Variants in CACNA1I observed in about 807,000 individuals in gnomAD.
The protein encoded by CACNA1I is calcium voltage-gated channel subunit alpha1 I.
CACNA1I carries 74 observed loss-of-function variants against 201.6 expected under a neutral mutation model. The ratio of observed to expected loss-of-function variants is 0.37; its 90% CI spans 0.30 to 0.45. The LOEUF (loss-of-function observed/expected upper bound fraction) is 0.45. CACNA1I is among the 20% of genes least tolerant of loss of function. CACNA1I has a pLI of 1.00. For missense variants in CACNA1I, 2,346 were observed against 3,138.1 expected (o/e 0.75, Z 6.03); for synonymous variants, 1,431 against 1,345.2 (o/e 1.06, Z -1.40).
At chr22:39,642,726 G>T in intron 6 of CACNA1I, 71 bp from the exon 7 acceptor site, 2 of 1,028,600 alleles carry the variant, frequency 1.9e-6, no homozygotes, top group Non-Finnish European at 1.5e-6. Context: ...GCCTCTGTCT[G>T]GGGCACTGCC....
At position 39,666,359 on chromosome 22, in the gene CACNA1I, C is replaced by T. The variant is rs185983542; in HGVS notation, c.4104+353C>T. 6.4e-3 allele frequency among the ~76,000 whole-genome samples: 974 copies of T among 152,218 alleles called. 6 individuals are homozygous for T. The highest frequency in any genetic ancestry group is 9.6e-3 in the Non-Finnish European group (656 of 68,002). On this transcript the variant is annotated intron_variant, in intron 23 of 36. Transcript: ENST00000402142. The surrounding 1 kb of genome is among the most constrained non-coding windows in gnomAD (Gnocchi z 4.1). ...CTGCCACCTTCTGTAGGTGTGGCCT[C>T]CCTGAGCCTCAGTTTCCTCATCTAT...
chr22:39,656,873 C>T (rs994350669), intron 10 of CACNA1I, among the ~76,000 whole-genome samples: 1 of 152,194 alleles, frequency 6.6e-6, no homozygotes, highest in African/African-American at 2.4e-5. Flanking sequence ...GTCTCAACGA[C>T]AGTGCTTCCT....
chr22:39,573,097 G>T (rs981652486), intron 1 of CACNA1I, among the ~76,000 whole-genome samples: 2 of 152,128 alleles, frequency 1.3e-5, no homozygotes, highest in Admixed American at 1.3e-4. Flanking sequence ...AACCTCAGGG[G>T]CTTGTGGCAT....
chr22:39,606,882 C>T (rs989953311), intron 3 of CACNA1I, among the ~76,000 whole-genome samples: 1 of 152,234 alleles, frequency 6.6e-6, no homozygotes, highest in Non-Finnish European at 1.5e-5. Flanking sequence ...TGCCTCTGTC[C>T]ATTAGGAGGT....
rs1269517292 is a variant in CACNA1I, at chr22:39,642,679, G to C, written c.1057-118G>C. ...TGTCCAGCCCCTGTGAGACAGACTC[G>C]AGGCAGCATGTGTGATGCGTTCTGG... On this transcript the variant is annotated intron_variant, in intron 6 of 36. Transcript: ENST00000402142. 5 of 675,896 alleles carry C rather than the reference G, an allele frequency of 7.4e-6. No homozygotes were observed. In the South Asian group the frequency reaches 8.5e-5, roughly 12 times the overall value. 41.9% of individuals were successfully genotyped at this position (675,896 alleles called of 1,614,324 possible). A position where few individuals can be genotyped will look rare whatever the true frequency, so the allele number is the denominator to read the frequency against.
Position 39,677,404 on chromosome 22 carries a change from C to A in CACNA1I, c.4918C>A (p.Leu1640Ile). Residue 1640 changes from leucine (L) to isoleucine (I), a missense_variant, in exon 30 of 37, where the codon CTC becomes ATC. By Grantham distance (5) the Leu-to-Ile change is conservative. Around this residue, in one of 13 missense-constraint regions of CACNA1I, gnomAD observed 50 missense variants for 43.6 expected, o/e 1.15. Transcript: ENST00000402142. This position sits in a 1 kb window ranked among gnomAD's most constrained non-coding sequence, Gnocchi z 4.8. Reference protein sequence around the residue: ...FFIYAALGVELFGKLVCNDEN... With the variant: ...FFIYAALGVEIFGKLVCNDEN... ...CATCTATGCTGCTCTCGGGGTGGAGCTCTTTGGGAAGCTGGGTGAGTGACT... is the reference window on the plus strand; with the variant it reads ...CATCTATGCTGCTCTCGGGGTGGAGATCTTTGGGAAGCTGGGTGAGTGACT... 1 of 1,585,030 alleles carries A rather than the reference C, an allele frequency of 6.3e-7. No homozygotes were observed. Among genetic ancestry groups the A allele is most frequent in the Non-Finnish European group, 8.6e-7 (1 of 1,167,634 alleles).
At position 39,681,067 on chromosome 22, in the gene CACNA1I, G is replaced by A. The variant is rs747048563; in HGVS notation, c.5664+15G>A. The A allele has an allele frequency of 1.2e-6, 2 of 1,604,960 alleles. No individual in the cohort carries two copies. Among genetic ancestry groups the A allele is most frequent in the South Asian group, 1.1e-5 (1 of 90,124 alleles). On this transcript the variant is annotated intron_variant, in intron 34 of 36. Transcript: ENST00000402142. ...AAGACAGCAAGGTCAGCTCCCCTGG[G>A]GACTCCTGAGCAGGCGGGTCTGTCC...
chr22:39,667,668 G>T (rs1935241168), intron 23 of CACNA1I, among the ~76,000 whole-genome samples: 1 of 152,110 alleles, frequency 6.6e-6, no homozygotes, highest in African/African-American at 2.4e-5. Context: ...CTCTGTGGGA[G>T]CCTTGGGTGG....
At chr22:39,626,007 G>T (rs559650235) in intron 4 of CACNA1I, among the ~76,000 whole-genome samples, 1 of 152,228 alleles carries the variant, frequency 6.6e-6, no homozygotes, top group Non-Finnish European at 1.5e-5. Flanking sequence ...AGGCTGTGGC[G>T]CAGGGGCGAG....
At chr22:39,650,268 A>G (rs1298349837) in intron 10 of CACNA1I, among the ~76,000 whole-genome samples, 2 of 151,430 alleles carry the variant, frequency 1.3e-5, no homozygotes, top group Non-Finnish European at 2.9e-5. Flanking sequence ...TCTGACTTCT[A>G]TTCACCTCTC....
chr22:39,684,873 T>C lies in CACNA1I; in HGVS notation c.6027+375T>C, dbSNP rs555415110. The C allele has an allele frequency of 2.1e-5, 8 of 380,732 alleles. No homozygotes were observed. The highest frequency in any genetic ancestry group is 4.2e-5 in the Admixed American group (1 of 24,054). 23.6% of individuals were successfully genotyped at this position (380,732 alleles called of 1,614,324 possible). A position where few individuals can be genotyped will look rare whatever the true frequency, so the allele number is the denominator to read the frequency against. On this transcript the variant is annotated intron_variant, in intron 36 of 36. Coordinates refer to ENST00000402142, the MANE Select transcript of CACNA1I (RefSeq NM_021096.4). The surrounding 1 kb of genome is among the most constrained non-coding windows in gnomAD (Gnocchi z 4.6). ...CCTGGGTGCTCTGGGTGGGTGTGAG[T>C]GGGGGCTTGATTACTAGGAATGGAG...
intron 3 of CACNA1I, among the ~76,000 whole-genome samples, chr22:39,606,493 G>A (rs1006819885): frequency 2.6e-5 from 4 of 152,290 alleles, no homozygotes; most frequent in East Asian, 1.9e-4. Flanking sequence ...CAAAGACCCC[G>A]TCATCATCTC....
intron 24 of CACNA1I, among the ~76,000 whole-genome samples, chr22:39,668,902 C>G (rs1418566097): frequency 6.6e-6 from 1 of 152,102 alleles, no homozygotes; most frequent in Non-Finnish European, 1.5e-5. Flanking sequence ...GGACTTACAG[C>G]AAGAGTGGTG....
chr22:39,664,982 G>C (rs1449135885), intron 21 of CACNA1I, 59 bp downstream of exon 21: 4 of 1,510,320 alleles, frequency 2.6e-6, no homozygotes, highest in Non-Finnish European at 3.6e-6. Context: ...GAGAAGCCAC[G>C]GGTCGAATTG....
intron 20 of CACNA1I, among the ~76,000 whole-genome samples, 183 bp downstream of exon 20, chr22:39,664,342 C>T (rs910065838): frequency 2.6e-5 from 4 of 151,890 alleles, no homozygotes; most frequent in African/African-American, 9.7e-5. Flanking sequence ...GGGTCAGCCC[C>T]GTCCCCATTC....
intron 19 of CACNA1I, 111 bp from the exon 20 acceptor site, chr22:39,663,980 A>T: frequency 6.6e-7 from 1 of 1,513,940 alleles, no homozygotes; most frequent in Non-Finnish European, 9.1e-7. Flanking sequence ...AGCCTCCGTG[A>T]ACTGAGAGGT....
chr22:39,622,600 G>A (rs990718595), intron 4 of CACNA1I, among the ~76,000 whole-genome samples: 1 of 150,638 alleles, frequency 6.6e-6, no homozygotes, highest in Non-Finnish European at 1.5e-5. Flanking sequence ...GTGCGGTGTG[G>A]GGGGGGCGGT....
rs371808814 is a variant in CACNA1I, at chr22:39,663,797, A to G, written c.3553A>G (p.Ile1185Val). 12 of 1,613,006 alleles carry G rather than the reference A, an allele frequency of 7.4e-6. No individual in the cohort carries two copies. The highest frequency in any genetic ancestry group is 2.2e-5 in the South Asian group (2 of 91,054). The change falls in exon 19 of 37, where the codon ATC becomes GTC. Residue 1185 changes from isoleucine to valine, a missense_variant. Around this residue, in one of 13 missense-constraint regions of CACNA1I, gnomAD observed 158 missense variants for 231.6 expected, o/e 0.68. Coordinates refer to ENST00000402142, the MANE Select transcript of CACNA1I (RefSeq NM_021096.4). ...VVLAFIFLNC[I>V]TIALERPQIE... is the part of the protein sequence containing the mutation. ...CCTGGCCTTCATCTTTCTCAACTGC[A>G]TCACCATCGCCCTGGAGCGGCCTCA... is the stretch of plus-strand genomic sequence containing the variant.
At chr22:39,672,751 C>T (rs575601559) in intron 27 of CACNA1I, among the ~76,000 whole-genome samples, 198 bp from the exon 28 acceptor site, 9 of 152,228 alleles carry the variant, frequency 5.9e-5, no homozygotes, top group Admixed American at 1.3e-4. Context: ...CCTTGCTTGA[C>T]GGAGTGATGG....
Sources: gnomAD v4.1 joint callset for allele counts (sites outside exome capture counted in the v4.1 genomes callset) on GRCh38, gnomAD v4.1.1 for gene constraint, gnomAD v4.1.1 regional missense constraint, Gnocchi (gnomAD v3.1) non-coding constraint, MANE v1.5 for transcripts, NCBI Gene and HGNC (gene_info 2026-07-23, HGNC 2026-07-21) for gene names.